Variants in RBMS2 observed in about 807,000 individuals in gnomAD.
RBMS2 encodes RNA-binding motif, single-stranded-interacting protein 2.
In RBMS2, 38 loss-of-function variants were observed where a neutral mutation model predicts 58.4. That is an observed-to-expected ratio of 0.65 (90% CI 0.50 to 0.85). RBMS2 has a LOEUF of 0.85. Among genes scored for constraint, RBMS2 ranks in the 40% least tolerant of loss-of-function variants. RBMS2 has a pLI of 0.00. For synonymous variants in RBMS2, 151 were observed against 180.7 expected, an observed-to-expected ratio of 0.84 and a Z score of 1.32; for missense variants, 367 against 503.7, an observed-to-expected ratio of 0.73 and a Z score of 2.60.
chr12:56,576,465 C>T (rs902397955), intron 5 of RBMS2, among the ~76,000 whole-genome samples: 1 of 152,080 alleles, frequency 6.6e-6, no homozygotes, highest in Admixed American at 6.6e-5. Flanking sequence ...GATGAAAAAG[C>T]GTAGTATATC....
intron 1 of RBMS2, among the ~76,000 whole-genome samples, chr12:56,546,489 A>T (rs1198462033): frequency 7.6e-5 from 3 of 39,226 alleles, no homozygotes; most frequent in East Asian, 2.3e-3. Flanking sequence ...TTTTATATAC[A>T]AAAAATATAA....
chr12:56,554,740 T>A (rs573183142), intron 1 of RBMS2, among the ~76,000 whole-genome samples: 2 of 152,260 alleles, frequency 1.3e-5, no homozygotes, highest in Admixed American at 1.3e-4. Context: ...AAATAAAATG[T>A]TTTAAATAAA....
intron 1 of RBMS2, among the ~76,000 whole-genome samples, chr12:56,549,056 T>C (rs1877761025): frequency 6.6e-6 from 1 of 152,234 alleles, no homozygotes; most frequent in Non-Finnish European, 1.5e-5. Context: ...TCACCCAGGC[T>C]GGAATGATCT....
intron 1 of RBMS2, among the ~76,000 whole-genome samples, chr12:56,528,225 G>A (rs946304139): frequency 1.3e-5 from 2 of 150,632 alleles, no homozygotes; most frequent in Admixed American, 6.7e-5. Context: ...ATTGCAGCCT[G>A]GGCAACTGAG....
At chr12:56,556,274 A>G (rs922038980) in intron 1 of RBMS2, among the ~76,000 whole-genome samples, 1 of 152,004 alleles carries the variant, frequency 6.6e-6, no homozygotes, top group African/African-American at 2.4e-5. Flanking sequence ...ATGCTGTAAG[A>G]TACCCTATAA....
chr12:56,546,746 G>A (rs1034311584), intron 1 of RBMS2, among the ~76,000 whole-genome samples: 1 of 152,132 alleles, frequency 6.6e-6, no homozygotes, highest in Admixed American at 6.6e-5. Flanking sequence ...TGGGATTACA[G>A]GCTTGAGCCA....
intron 5 of RBMS2, among the ~76,000 whole-genome samples, chr12:56,579,633 C>CAAA (rs1166982566): frequency 1.0e-5 from 1 of 96,480 alleles, no homozygotes; most frequent in Admixed American, 1.1e-4. Flanking sequence ...GACTCAGTCT[C>CAAA]AAAAAAAAAA....
intron 1 of RBMS2, among the ~76,000 whole-genome samples, chr12:56,560,198 G>A (rs139104938): frequency 6.7e-6 from 1 of 149,374 alleles, no homozygotes; most frequent in African/African-American, 2.5e-5. Context: ...CCCGGCCATA[G>A]GTCATAGTCT....
At position 56,593,149 on chromosome 12, in the gene RBMS2, T is replaced by G. The variant is rs927081645; in HGVS notation, c.*4016T>G. On this transcript the variant is annotated 3_prime_UTR_variant, in exon 14 of 14. Transcript: ENST00000262031. Reference sequence around the variant, plus strand: ...TTTTTGGTTTTTTGGTTTTGTTGTTTTGTTTTTTTGAGACAGGGTCTCACT... The same window carrying G: ...TTTTTGGTTTTTTGGTTTTGTTGTTGTGTTTTTTTGAGACAGGGTCTCACT... 5 of 152,038 alleles carry G rather than the reference T, an allele frequency of 3.3e-5. No homozygotes were observed. The highest frequency in any genetic ancestry group is 1.2e-4 in the African/African-American group (5 of 41,354). 9.4% of individuals were successfully genotyped at this position (152,038 alleles called of 1,614,324 possible). A position where few individuals can be genotyped will look rare whatever the true frequency, so the allele number is the denominator to read the frequency against.
intron 1 of RBMS2, among the ~76,000 whole-genome samples, chr12:56,524,819 A>G (rs1320523788): frequency 6.6e-6 from 1 of 152,034 alleles, no homozygotes; most frequent in Non-Finnish European, 1.5e-5. Flanking sequence ...TCCTGGGTTC[A>G]AGTGATTCTC....
At chr12:56,581,609 C>G in intron 7 of RBMS2, 101 bp downstream of exon 7, 1 of 1,291,260 alleles carries the variant, frequency 7.7e-7, no homozygotes, top group Non-Finnish European at 1.1e-6. Context: ...AGCTTGAGAG[C>G]TACAGTACGT....
Position 56,579,968 on chromosome 12 carries a change from C to T in RBMS2, c.543-1216C>T, listed in dbSNP as rs1037775380. Among the ~76,000 whole-genome samples the T allele has an allele frequency of 2.0e-5, 3 of 152,064 alleles. No individual in the cohort carries two copies. In the South Asian group the frequency reaches 6.2e-4, roughly 32 times the overall value. On this transcript the variant is annotated intron_variant, in intron 5 of 13. Coordinates refer to ENST00000262031, the MANE Select transcript of RBMS2 (RefSeq NM_002898.4). The stretch of plus-strand genomic sequence containing the variant: ...TTTTTGAGACGGAGTCTTGCTCTGT[C>T]ACCTAGGCTGGAGTGCAGTGGCATG...
At chr12:56,549,258 G>A (rs1877803447) in intron 1 of RBMS2, among the ~76,000 whole-genome samples, 1 of 151,980 alleles carries the variant, frequency 6.6e-6, no homozygotes, top group South Asian at 2.1e-4. Context: ...GCCTCCCAAA[G>A]CGCTCAGATT....
intron 1 of RBMS2, chr12:56,539,657 C>T (rs1488561036): frequency 2.2e-6 from 1 of 450,566 alleles, no homozygotes; most frequent in Non-Finnish European, 4.4e-6. Context: ...TTTTTACATA[C>T]CAGTTACTGT....
chr12:56,579,099 C>G (rs1317890184), intron 5 of RBMS2, among the ~76,000 whole-genome samples: 1 of 152,098 alleles, frequency 6.6e-6, no homozygotes, highest in Non-Finnish European at 1.5e-5. Flanking sequence ...AATTGGAAAC[C>G]ATTTGAGAGG....
At chr12:56,543,280 C>T (rs997089661) in intron 1 of RBMS2, among the ~76,000 whole-genome samples, 25 of 151,310 alleles carry the variant, frequency 1.7e-4, no homozygotes, top group African/African-American at 4.1e-4. Context: ...GTCAGGAGTT[C>T]GAGACCAGCC....
intron 9 of RBMS2, 75 bp downstream of exon 9, chr12:56,582,227 G>T: frequency 7.7e-7 from 1 of 1,293,104 alleles, no homozygotes; most frequent in South Asian, 1.4e-5. Flanking sequence ...ATAAGGCTAG[G>T]AACTACTTGT....
Position 56,543,964 on chromosome 12 carries a change from G to A in RBMS2, c.67-18453G>A, listed in dbSNP as rs1272554501. On this transcript the variant is annotated intron_variant, in intron 1 of 13. Coordinates refer to ENST00000262031, the MANE Select transcript of RBMS2 (RefSeq NM_002898.4). ...ATTATAGGTGTGAGCCACCATGCCC[G>A]GCCATAGAGTCACCTTTTAAAACCA... Among the ~76,000 whole-genome samples the A allele has an allele frequency of 5.9e-5, 9 of 151,908 alleles. No individual in the cohort carries two copies. In the South Asian group the frequency reaches 8.4e-4, roughly 14 times the overall value.
At chr12:56,586,080 G>A (rs1173960620) in intron 9 of RBMS2, among the ~76,000 whole-genome samples, 2 of 152,010 alleles carry the variant, frequency 1.3e-5, no homozygotes, top group African/African-American at 4.8e-5. Context: ...TGTAATCCCA[G>A]CACTTTGGGA....
Sources: allele counts gnomAD v4.1 joint callset (sites outside exome capture counted in the v4.1 genomes callset), GRCh38; gene constraint gnomAD v4.1.1; transcripts MANE v1.5; gene names NCBI Gene and HGNC (gene_info 2026-07-23, HGNC 2026-07-21).